Variants in ESR1 observed in about 807,000 individuals in gnomAD.
ESR1 encodes estrogen receptor 1.
ESR1 carries 12 observed loss-of-function variants against 52.7 expected under a neutral mutation model. That is an observed-to-expected ratio of 0.23 (90% confidence interval 0.15 to 0.37). The LOEUF (loss-of-function observed/expected upper bound fraction) is 0.37, where lower values mean the gene tolerates loss of function less well. Ranked by LOEUF, ESR1 falls within the 10% of genes least tolerant of loss-of-function variation. The probability of loss-of-function intolerance (pLI) is 1.00; values close to 1 mark genes in which losing one functional copy is unlikely to be tolerated. For synonymous variants in ESR1, 305 were observed against 316.8 expected (o/e 0.96, Z 0.39); for missense variants, 584 against 779.7 (o/e 0.75, Z 2.99).
At position 151,754,859 on chromosome 6, in the gene ESR1, C is replaced by T. The variant is rs184463980; in HGVS notation, c.-71+52854C>T. 1.7e-4 allele frequency among the ~76,000 whole-genome samples: 26 copies of T among 152,324 alleles called. No individual in the cohort carries two copies. The East Asian group carries it at 4.8e-3, about 28-fold the overall frequency. On this transcript the variant is annotated intron_variant, in intron 2 of 2. Coordinates refer to the ESR1 transcript ENST00000404742. ...TTGAACTCTAGACGTGTCCATCCAACTGCTACGTGACATCTCCACTGGGAT... is the reference window on the plus strand; with the variant it reads ...TTGAACTCTAGACGTGTCCATCCAATTGCTACGTGACATCTCCACTGGGAT...
intron 3 of ESR1, among the ~76,000 whole-genome samples, chr6:151,921,299 G>A (rs1286598161): frequency 1.3e-5 from 2 of 152,130 alleles, no homozygotes; most frequent in South Asian, 2.1e-4. Context: ...ATTCCATGGG[G>A]TTTATGTACC....
chr6:151,795,091 A>G (rs1776561611), intron 2 of ESR1, among the ~76,000 whole-genome samples: 1 of 152,048 alleles, frequency 6.6e-6, no homozygotes, highest in Non-Finnish European at 1.5e-5. Context: ...CTTTGCAACA[A>G]CTCTTTGAGG....
intron 6 of ESR1, among the ~76,000 whole-genome samples, chr6:152,072,198 C>A (rs1467636267): frequency 6.6e-6 from 1 of 152,200 alleles, no homozygotes; most frequent in East Asian, 1.9e-4. Flanking sequence ...GCATTTTCTT[C>A]ATTTTAGTAT....
intron 1 of ESR1, among the ~76,000 whole-genome samples, chr6:151,675,601 A>G (rs1778223750): frequency 6.6e-6 from 1 of 152,190 alleles, no homozygotes. Context: ...CTACACTTAC[A>G]TAGTGTGTTC....
intron 6 of ESR1, among the ~76,000 whole-genome samples, chr6:152,080,790 G>C (rs1484060283): frequency 1.3e-5 from 2 of 152,022 alleles, no homozygotes; most frequent in African/African-American, 4.8e-5. Flanking sequence ...CAAAATAAAG[G>C]GTCGAAGGAA....
chr6:151,833,614 T>C (rs1190032086), intron 1 of ESR1, among the ~76,000 whole-genome samples: 1 of 152,126 alleles, frequency 6.6e-6, no homozygotes, highest in Admixed American at 6.5e-5. Flanking sequence ...CATCCAACTG[T>C]GTATCAGACA....
chr6:151,732,663 C>T (rs1219852175), intron 2 of ESR1, among the ~76,000 whole-genome samples: 4 of 151,788 alleles, frequency 2.6e-5, no homozygotes. Flanking sequence ...GGATATAGTC[C>T]CTTAACCCAG....
chr6:151,678,170 TAAAAA>T (rs752123009), intron 1 of ESR1, among the ~76,000 whole-genome samples: 11 of 151,754 alleles, frequency 7.2e-5, no homozygotes, highest in Non-Finnish European at 1.5e-4. Context: ...CCTGGAGAAT[TAAAAA>T]AAATACATTG....
chr6:152,011,675 C>T lies in ESR1; in HGVS notation c.1116C>T (p.Leu372=), dbSNP rs767233924. ...TTTCAGGCTTTGTGGATTTGACCCTCCATGATCAGGTCCACCTTCTAGAAT... is the reference window on the plus strand; with the variant it reads ...TTTCAGGCTTTGTGGATTTGACCCTTCATGATCAGGTCCACCTTCTAGAAT... ...KRVPGFVDLT[L]HDQVHLLECA... Residue 372 remains leucine (L), a synonymous_variant, in exon 5 of 8, where the codon CTC becomes CTT. Coordinates refer to ENST00000206249, the MANE Select transcript of ESR1 (RefSeq NM_000125.4). 3.7e-6 allele frequency: 6 copies of T among 1,613,112 alleles called. No individual in the cohort carries two copies. The highest frequency in any genetic ancestry group is 5.1e-6 in the Non-Finnish European group (6 of 1,179,502).
chr6:151,716,894 C>T (rs1025808807), intron 2 of ESR1, among the ~76,000 whole-genome samples: 7 of 152,204 alleles, frequency 4.6e-5, no homozygotes, highest in Non-Finnish European at 8.8e-5. Context: ...ACAAAAACTC[C>T]TGTAGCTAGT....
chr6:152,082,022 C>A (rs2129010703), intron 6 of ESR1, among the ~76,000 whole-genome samples: 1 of 152,308 alleles, frequency 6.6e-6, no homozygotes, highest in East Asian at 1.9e-4. Flanking sequence ...CAGTTGAATT[C>A]TACCAGAGGT....
At chr6:151,777,924 C>A (rs1387665596) in intron 2 of ESR1, among the ~76,000 whole-genome samples, 1 of 151,998 alleles carries the variant, frequency 6.6e-6, no homozygotes, top group Non-Finnish European at 1.5e-5. Context: ...TGCGCCACTG[C>A]ACTTCAGCCT....
intron 1 of ESR1, among the ~76,000 whole-genome samples, chr6:151,696,053 GTTTAA>G (rs1292373663): frequency 1.3e-5 from 2 of 152,144 alleles, no homozygotes; most frequent in Non-Finnish European, 2.9e-5. Flanking sequence ...TATATGCATA[GTTTAA>G]TTTAACTCAT....
chr6:151,935,557 G>A lies in ESR1; in HGVS notation c.761-8616G>A, dbSNP rs559223084. ...GCCCAGGTCACCTACCTTCACCCTA[G>A]AGTCTGGAGCCACAGAAAACAGTAA... On this transcript the variant is annotated intron_variant, in intron 3 of 7. Coordinates refer to ENST00000206249, the MANE Select transcript of ESR1 (RefSeq NM_000125.4). Among the ~76,000 whole-genome samples, 80 of 152,312 alleles carry A rather than the reference G, an allele frequency of 5.3e-4. 1 individual carries two copies. In the South Asian group the frequency reaches 0.017, roughly 32 times the overall value.
intron 3 of ESR1, among the ~76,000 whole-genome samples, chr6:151,916,904 C>T (rs982441499): frequency 6.6e-6 from 1 of 152,116 alleles, no homozygotes; most frequent in Non-Finnish European, 1.5e-5. Flanking sequence ...AAATGAATAT[C>T]CCTTTTTAAG....
At chr6:152,095,384 C>T (rs1022933656) in intron 7 of ESR1, among the ~76,000 whole-genome samples, 5 of 152,140 alleles carry the variant, frequency 3.3e-5, no homozygotes, top group South Asian at 2.1e-4. Context: ...TGCAGATTGG[C>T]GGTCAGCCCT....
At chr6:151,788,600 G>A (rs1316590128) in intron 2 of ESR1, among the ~76,000 whole-genome samples, 1 of 152,162 alleles carries the variant, frequency 6.6e-6, no homozygotes, top group Non-Finnish European at 1.5e-5. Context: ...TTCCATGACT[G>A]GGTATATACC....
chr6:152,048,281 G>A (rs1361475023), intron 5 of ESR1, among the ~76,000 whole-genome samples: 2 of 150,566 alleles, frequency 1.3e-5, no homozygotes, highest in African/African-American at 2.4e-5. Flanking sequence ...CTGAGGCAGG[G>A]GAATTGCTTG....
At chr6:151,889,238 G>A (rs540034025) in intron 3 of ESR1, among the ~76,000 whole-genome samples, 22 of 152,218 alleles carry the variant, frequency 1.4e-4, no homozygotes, top group Non-Finnish European at 1.2e-4. Flanking sequence ...TTGAGGATTG[G>A]TATTAGTTCT....
Sources: gnomAD v4.1 joint callset for allele counts (sites outside exome capture counted in the v4.1 genomes callset) on GRCh38, gnomAD v4.1.1 for gene constraint, MANE v1.5 for transcripts, NCBI Gene and HGNC (gene_info 2026-07-23, HGNC 2026-07-21) for gene names.